FLCN: variants seen among roughly 807,000 people sequenced by gnomAD.
FLCN encodes folliculin, also known as BHD skin lesion fibrofolliculoma protein.
Under a neutral mutation model 62.5 loss-of-function variants are expected in FLCN, and 22 were observed. The observed-to-expected ratio is 0.35, with a 90% CI of 0.25 to 0.50. The LOEUF (loss-of-function observed/expected upper bound fraction) is 0.50, where lower values mean the gene tolerates loss of function less well. FLCN is among the 20% of genes least tolerant of loss of function. The pLI is 0.97. For synonymous variants in FLCN, 319 were observed against 310.0 expected, an observed-to-expected ratio of 1.03 and a Z score of -0.30; for missense variants, 657 against 778.0, an observed-to-expected ratio of 0.84 and a Z score of 1.85.
At chr17:17,222,395 A>G (rs1001732318) in intron 7 of FLCN, 106 bp downstream of exon 7, 22 of 1,524,262 alleles carry the variant, frequency 1.4e-5, no homozygotes, top group Non-Finnish European at 1.7e-5. Flanking sequence ...AGAGGCAGCA[A>G]GCAAACACGG....
chr17:17,234,213 GGT>G (rs386795905), intron 1 of FLCN, among the ~76,000 whole-genome samples: 18 of 123,782 alleles, frequency 1.5e-4, no homozygotes, highest in African/African-American at 2.4e-4. Context: ...GTTTTTTTTT[GGT>G]TTGTTTTTTT....
chr17:17,217,036 T>C, intron 10 of FLCN, 33 bp downstream of exon 10: 3 of 1,497,048 alleles, frequency 2.0e-6, no homozygotes, highest in South Asian at 1.1e-5. Context: ...AATACTGCCC[T>C]GCGCCGCACA....
At chr17:17,221,436 C>A in intron 8 of FLCN, 101 bp downstream of exon 8, 1 of 1,614,014 alleles carries the variant, frequency 6.2e-7, no homozygotes, top group East Asian at 2.2e-5. Context: ...GATTCAGAGC[C>A]GCGTTTCCCT....
chr17:17,214,388 G>A (rs1027837437), intron 13 of FLCN, among the ~76,000 whole-genome samples: 25 of 151,568 alleles, frequency 1.6e-4, no homozygotes, highest in African/African-American at 4.8e-4. Flanking sequence ...GAAGTCAGGA[G>A]TTCAAGACCA....
At chr17:17,223,017 C>A in intron 6 of FLCN, 1 of 377,290 alleles carries the variant, frequency 2.7e-6, no homozygotes, top group Non-Finnish European at 5.1e-6. Flanking sequence ...ACGTGACTGG[C>A]TCTGGTCAAT....
intron 1 of FLCN, among the ~76,000 whole-genome samples, chr17:17,235,206 G>A (rs2145136530): frequency 6.6e-6 from 1 of 152,232 alleles, no homozygotes; most frequent in East Asian, 1.9e-4. Flanking sequence ...CTTGAACCTG[G>A]GAGACGGAGG....
At chr17:17,236,384 G>C (rs1327769102) in intron 1 of FLCN, among the ~76,000 whole-genome samples, 1 of 152,158 alleles carries the variant, frequency 6.6e-6, no homozygotes, top group Non-Finnish European at 1.5e-5. Context: ...CACTAAACTG[G>C]CTGTGGCCAA....
At position 17,232,830 on chromosome 17, in the gene FLCN, C is replaced by T. The variant is rs908901625; in HGVS notation, c.-156G>A. ...CACGCTTCCACCGTCCACACCAGAC[C>T]ACCACACACGAGGCTGCTGCCAAAT... On this transcript the variant is annotated 5_prime_UTR_variant, in exon 2 of 14. Coordinates refer to ENST00000285071, the MANE Select transcript of FLCN (RefSeq NM_144997.7). 6.6e-6 allele frequency: 1 copy of T among 152,534 alleles called. No homozygotes were observed. The highest frequency in any genetic ancestry group is 1.5e-5 in the Non-Finnish European group (1 of 68,064). 9.4% of individuals were successfully genotyped at this position (152,534 alleles called of 1,614,324 possible). A position where few individuals can be genotyped will look rare whatever the true frequency, so the allele number is the denominator to read the frequency against.
intron 11 of FLCN, 102 bp from the exon 12 acceptor site, chr17:17,215,418 G>A (rs2046888549): frequency 1.3e-6 from 2 of 1,575,034 alleles, no homozygotes; most frequent in African/African-American, 1.3e-5. Flanking sequence ...CAGGTCAGTG[G>A]GGAAGGCTGC....
intron 7 of FLCN, among the ~76,000 whole-genome samples, chr17:17,222,204 AC>A (rs2047112308): frequency 6.6e-6 from 1 of 151,968 alleles, no homozygotes; most frequent in African/African-American, 2.4e-5. Context: ...GGGTGTGGTG[AC>A]AGGCGCCTGT....
chr17:17,229,662 G>A (rs1161606728), intron 3 of FLCN, among the ~76,000 whole-genome samples: 1 of 152,228 alleles, frequency 6.6e-6, no homozygotes, highest in Non-Finnish European at 1.5e-5. Context: ...CGCATTTTAG[G>A]TCATGTATTA....
chr17:17,221,481 G>T, intron 8 of FLCN, 56 bp downstream of exon 8: 2 of 1,614,024 alleles, frequency 1.2e-6, no homozygotes, highest in South Asian at 2.2e-5. Flanking sequence ...GCAGACAGCT[G>T]GTACCGCCCC....
chr17:17,224,679 G>A (rs2047198714), intron 5 of FLCN: 1 of 177,856 alleles, frequency 5.6e-6, no homozygotes, highest in Non-Finnish European at 1.2e-5. Flanking sequence ...GGGATTGTAA[G>A]AGTGTGCCAC....
intron 2 of FLCN, among the ~76,000 whole-genome samples, chr17:17,232,426 T>A (rs1371498113): frequency 2.6e-5 from 4 of 152,024 alleles, no homozygotes; most frequent in Non-Finnish European, 5.9e-5. Context: ...TGACAGCTGT[T>A]GCCAAGAAAG....
intron 13 of FLCN, among the ~76,000 whole-genome samples, chr17:17,214,670 A>C (rs1434935055): frequency 6.6e-6 from 1 of 152,064 alleles, no homozygotes; most frequent in Non-Finnish European, 1.5e-5. Context: ...TTAGGTTTTG[A>C]AGTTAATTGC....
rs34695824 is a variant in FLCN, at chr17:17,235,109, CAAAAA to C, written c.-228+1798_-228+1802del. On this transcript the variant is annotated intron_variant, in intron 1 of 13. Coordinates refer to ENST00000285071, the MANE Select transcript of FLCN (RefSeq NM_144997.7). ...TGGGCCACAGAGCAAGACTCCATTT[CAAAAA>C]AAAAAAAAAAAAAAAAGCCAGGCAT... Among the ~76,000 whole-genome samples the C allele has an allele frequency of 9.9e-5, 7 of 70,600 alleles. No individual in the cohort carries two copies. In the East Asian group the frequency reaches 1.6e-3, roughly 16 times the overall value. The allele number at this position is 70,600 out of a possible 152,430, so 46.3% of individuals were successfully genotyped here. A position where few individuals can be genotyped will look rare whatever the true frequency, so the allele number is the denominator to read the frequency against.
chr17:17,229,634 G>C (rs11869283), intron 3 of FLCN, among the ~76,000 whole-genome samples: 1 of 152,196 alleles, frequency 6.6e-6, no homozygotes, highest in African/African-American at 2.4e-5. Flanking sequence ...ACTGCACGCC[G>C]AACAGTGGTT....
rs1481695338 is a variant in FLCN at position 17,214,410 on chromosome 17, A to ACAG, written c.1539-555_1539-554insCTG. 1.2e-3 allele frequency among the ~76,000 whole-genome samples: 186 copies of ACAG among 152,184 alleles called. 1 individual carries two copies. In the East Asian group the frequency reaches 0.029, roughly 24 times the overall value. ...GGAGTTCAAGACCAGCCTGGCCAAC[A>ACAG]TGCTAAAACCCTGTCTCTACTAAAA... On this transcript the variant is annotated intron_variant, in intron 13 of 13. Transcript: ENST00000285071.
intron 5 of FLCN, 143 bp downstream of exon 5, chr17:17,226,033 C>A: frequency 8.5e-7 from 1 of 1,176,448 alleles, no homozygotes; most frequent in Non-Finnish European, 1.2e-6. Context: ...GCGTCCTGTA[C>A]CCTGTGCTGT....
Sources: gnomAD v4.1 joint callset for allele counts (sites outside exome capture counted in the v4.1 genomes callset) on GRCh38, gnomAD v4.1.1 for gene constraint, MANE v1.5 for transcripts, NCBI Gene and HGNC (gene_info 2026-07-23, HGNC 2026-07-21) for gene names.